The following FOXP2 variants were observed in gnomAD, a reference collection of about 807,000 sequenced individuals.
The protein encoded by FOXP2 is forkhead box protein P2.
A neutral mutation model predicts 115.8 loss-of-function variants in FOXP2; 12 were observed. The ratio of observed to expected loss-of-function variants is 0.10; its 90% CI spans 0.07 to 0.17. The LOEUF (loss-of-function observed/expected upper bound fraction) is 0.17, where lower values mean the gene tolerates loss of function less well. Among genes scored for constraint, FOXP2 ranks in the 10% least tolerant of loss-of-function variants. The pLI is 1.00. For missense variants in FOXP2, 629 were observed against 843.5 expected (o/e 0.75, Z 3.15); for synonymous variants, 328 against 297.7 (o/e 1.10, Z -1.05).
At chr7:114,178,305 T>C (rs1334213467) in intron 1 of FOXP2, among the ~76,000 whole-genome samples, 1 of 151,932 alleles carries the variant, frequency 6.6e-6, no homozygotes, top group Non-Finnish European at 1.5e-5. Context: ...CTTTAAATTT[T>C]TGAGCATTTC....
chr7:114,659,311 A>C, intron 11 of FOXP2, 45 bp from the exon 12 acceptor site: 1 of 1,302,926 alleles, frequency 7.7e-7, no homozygotes, highest in South Asian at 1.2e-5. Flanking sequence ...ATTATATATA[A>C]TGTGAATTAT....
At chr7:114,340,682 T>G (rs1404120302) in intron 2 of FOXP2, among the ~76,000 whole-genome samples, 1 of 151,198 alleles carries the variant, frequency 6.6e-6, no homozygotes, top group Non-Finnish European at 1.5e-5. Flanking sequence ...TAATACTTTT[T>G]GAAGTTTACA....
intron 1 of FOXP2, among the ~76,000 whole-genome samples, chr7:114,267,615 T>C (rs1326769179): frequency 1.3e-5 from 2 of 151,592 alleles, no homozygotes; most frequent in Non-Finnish European, 2.9e-5. Context: ...TAGTCCCAAC[T>C]ACTCGGGAGG....
intron 3 of FOXP2, among the ~76,000 whole-genome samples, chr7:114,623,454 G>A (rs1200862352): frequency 6.6e-6 from 1 of 151,824 alleles, no homozygotes. Flanking sequence ...GAAAAACAAG[G>A]GCATGTCAAG....
At chr7:114,217,261 A>G (rs764978799) in intron 1 of FOXP2, among the ~76,000 whole-genome samples, 4 of 152,168 alleles carry the variant, frequency 2.6e-5, no homozygotes, top group Non-Finnish European at 4.4e-5. Flanking sequence ...ATTTCCTGTC[A>G]TGGTCTGGGC....
At chr7:114,203,607 G>T (rs957450439) in intron 1 of FOXP2, among the ~76,000 whole-genome samples, 1 of 152,088 alleles carries the variant, frequency 6.6e-6, no homozygotes, top group Non-Finnish European at 1.5e-5. Context: ...GCCTCCCAAA[G>T]TGCTGGGATT....
intron 3 of FOXP2, among the ~76,000 whole-genome samples, chr7:114,537,207 C>G (rs548170130): frequency 6.6e-6 from 1 of 151,420 alleles, no homozygotes; most frequent in South Asian, 2.1e-4. Context: ...TCTACTTAAC[C>G]AAGTGTTTAA....
chr7:114,411,174 G>A (rs935908591), upstream of FOXP2, among the ~76,000 whole-genome samples: 8 of 152,078 alleles, frequency 5.3e-5, no homozygotes, highest in Non-Finnish European at 1.2e-4. Context: ...ACCTCACATC[G>A]CCAAAGGTAT....
upstream of FOXP2, among the ~76,000 whole-genome samples, chr7:114,412,284 A>G (rs115479838): frequency 6.6e-6 from 1 of 152,124 alleles, no homozygotes. Context: ...GAGTTTTACT[A>G]TGTAATGTAA....
chr7:114,170,782 G>A (rs1269079683), intron 1 of FOXP2, among the ~76,000 whole-genome samples: 2 of 152,186 alleles, frequency 1.3e-5, no homozygotes, highest in Non-Finnish European at 2.9e-5. Context: ...AGCTAAGAGA[G>A]GTTGGTTCAT....
chr7:114,287,579 T>A (rs1796497302), intron 1 of FOXP2, among the ~76,000 whole-genome samples: 1 of 152,038 alleles, frequency 6.6e-6, no homozygotes, highest in African/African-American at 2.4e-5. Flanking sequence ...TTACTACCAA[T>A]TTGTTAATTG....
At chr7:114,668,847 T>C (rs961337675) in intron 16 of FOXP2, 1 of 152,112 alleles carries the variant, frequency 6.6e-6, no homozygotes, top group Non-Finnish European at 1.5e-5. Context: ...AAGAATCAAA[T>C]TGGAGATTAC....
At chr7:114,396,982 T>C (rs1340672503) in intron 2 of FOXP2, among the ~76,000 whole-genome samples, 1 of 152,138 alleles carries the variant, frequency 6.6e-6, no homozygotes, top group East Asian at 1.9e-4. Flanking sequence ...AACAATTTTC[T>C]TAAAAACATA....
chr7:114,327,724 A>C (rs1044683368), intron 2 of FOXP2, among the ~76,000 whole-genome samples: 2 of 151,288 alleles, frequency 1.3e-5, no homozygotes, highest in Non-Finnish European at 3.0e-5. Context: ...CTGGTCTCAA[A>C]CTCCTGACCT....
intron 3 of FOXP2, chr7:114,570,815 T>G: frequency 6.2e-7 from 1 of 1,611,682 alleles, no homozygotes. Context: ...AGGAATTGCT[T>G]CCAGAAACAA....
chr7:114,349,860 T>C (rs1791438499), intron 2 of FOXP2, among the ~76,000 whole-genome samples: 1 of 152,150 alleles, frequency 6.6e-6, no homozygotes, highest in Non-Finnish European at 1.5e-5. Context: ...CTTAGAATGT[T>C]TCTAAATCAT....
Position 114,282,639 on chromosome 7 carries a change from G to A in FOXP2, c.-101-5380G>A, listed in dbSNP as rs534562292. On this transcript the variant is annotated intron_variant, in intron 1 of 17. Coordinates refer to the FOXP2 transcript ENST00000634411. ...TATTGTGTGACTACTATGTGCCAGG[G>A]AGTATTCTAGGTTCATAGGATTAAT... Among the ~76,000 whole-genome samples the A allele has an allele frequency of 3.9e-5, 6 of 152,122 alleles. No homozygotes were observed. In the South Asian group the frequency reaches 1.2e-3, roughly 32 times the overall value.
chr7:114,658,430 A>C (rs1806702607), intron 11 of FOXP2, among the ~76,000 whole-genome samples, 163 bp downstream of exon 11: 1 of 152,138 alleles, frequency 6.6e-6, no homozygotes, highest in African/African-American at 2.4e-5. Flanking sequence ...GCGATTCCCT[A>C]AGCACATCAT....
chr7:114,359,539 C>G (rs183434487), intron 2 of FOXP2, among the ~76,000 whole-genome samples: 2 of 152,338 alleles, frequency 1.3e-5, no homozygotes, highest in East Asian at 3.9e-4. Flanking sequence ...TCAACACCAG[C>G]CTGTGAAAGC....
Sources: gnomAD v4.1 joint callset for allele counts (sites outside exome capture counted in the v4.1 genomes callset) on GRCh38, gnomAD v4.1.1 for gene constraint, MANE v1.5 for transcripts, NCBI Gene and HGNC (gene_info 2026-07-23, HGNC 2026-07-21) for gene names.